The following SIPA1L3 variants were observed in gnomAD, a reference collection of about 807,000 sequenced individuals.
SIPA1L3 encodes the protein signal-induced proliferation-associated 1-like protein 3.
SIPA1L3 carries 59 observed loss-of-function variants against 150.1 expected under a neutral mutation model. That is an observed-to-expected ratio of 0.39 (90% CI 0.32 to 0.49). SIPA1L3 has a LOEUF of 0.49. Ranked by LOEUF, SIPA1L3 falls within the 20% of genes least tolerant of loss-of-function variation. The pLI, the probability that SIPA1L3 is intolerant of heterozygous loss-of-function variation, is 0.86. For synonymous variants in SIPA1L3, 1,070 were observed against 1,077.6 expected, an observed-to-expected ratio of 0.99 and a Z score of 0.14; for missense variants, 2,211 against 2,489.5, an observed-to-expected ratio of 0.89 and a Z score of 2.38.
chr19:37,935,560 G>T (rs939482548), intron 1 of SIPA1L3, among the ~76,000 whole-genome samples: 1 of 152,306 alleles, frequency 6.6e-6, no homozygotes, highest in Admixed American at 6.5e-5. Context: ...CAGCAGGATG[G>T]TTCTTCTGCT....
intron 6 of SIPA1L3, 64 bp downstream of exon 6, chr19:38,101,290 T>C (rs1387790658): frequency 8.0e-7 from 1 of 1,255,130 alleles, no homozygotes; most frequent in Non-Finnish European, 1.1e-6. Flanking sequence ...CAGGCAAAGC[T>C]TAAAAGGCCT....
rs1970977117 is a variant in SIPA1L3 at position 38,119,838 on chromosome 19, G to A, written c.2824G>A (p.Glu942Lys). 2 of 1,613,090 alleles carry A rather than the reference G, an allele frequency of 1.2e-6. No individual in the cohort carries two copies. Among genetic ancestry groups the A allele is most frequent in the Non-Finnish European group, 1.7e-6 (2 of 1,179,980 alleles). ...AGACCACATCTTCCTACAGGCGACA[G>A]AGGGTTCTGTGGAGGACATAAGGGA... is the stretch of plus-strand genomic sequence containing the variant. ...RGDHIFLQAT[E>K]GSVEDIREIV... The change falls in exon 9 of 22, where the codon GAG (glutamate) becomes AAG (lysine). Residue 942 changes from glutamate to lysine, a missense_variant. Glu to Lys is a moderately conservative substitution (Grantham distance 56). Transcript: ENST00000222345.
intron 2 of SIPA1L3, among the ~76,000 whole-genome samples, chr19:38,057,252 C>T (rs764587220): frequency 2.0e-5 from 3 of 151,450 alleles, no homozygotes; most frequent in Non-Finnish European, 4.4e-5. Flanking sequence ...GCCTAGAGTG[C>T]ACTCCAGCAA....
chr19:38,153,554 C>G (rs186462709), intron 13 of SIPA1L3, among the ~76,000 whole-genome samples: 29 of 151,790 alleles, frequency 1.9e-4, no homozygotes, highest in Non-Finnish European at 3.7e-4. Context: ...CCTGTAATCC[C>G]GGCTACTTGG....
intron 1 of SIPA1L3, among the ~76,000 whole-genome samples, chr19:37,969,987 G>GTTAT (rs1966894022): frequency 6.6e-6 from 1 of 152,138 alleles, no homozygotes; most frequent in African/African-American, 2.4e-5. Flanking sequence ...GCCCAGACCT[G>GTTAT]TTATTTATTT....
chr19:38,120,481 C>CA (rs951243045), intron 9 of SIPA1L3, among the ~76,000 whole-genome samples: 6 of 145,652 alleles, frequency 4.1e-5, no homozygotes, highest in Middle Eastern at 3.3e-3. Flanking sequence ...CAAAAACAAA[C>CA]AAAAAAAAAG....
intron 8 of SIPA1L3, among the ~76,000 whole-genome samples, chr19:38,111,906 C>T (rs1725492): frequency 6.6e-6 from 1 of 151,562 alleles, no homozygotes; most frequent in African/African-American, 2.4e-5. Context: ...TGCACACACA[C>T]ACATGCATGC....
chr19:38,070,049 TCC>T (rs1969681477), intron 2 of SIPA1L3, among the ~76,000 whole-genome samples: 1 of 151,928 alleles, frequency 6.6e-6, no homozygotes, highest in Non-Finnish European at 1.5e-5. Flanking sequence ...CCCCCGAGCA[TCC>T]CCATCTGGCC....
rs73630827 is a variant in SIPA1L3 at position 38,081,906 on chromosome 19, C to A, written c.341C>A (p.Ala114Asp). 3.6e-3 allele frequency: 5,823 copies of A among 1,614,148 alleles called. 191 individuals are homozygous for A. The African/African-American group carries it at 0.068, about 19-fold the overall frequency. The stretch of plus-strand genomic sequence containing the variant: ...GATGGCACAAAGGCCACCAAGATGG[C>A]CCATTCCATGAGGAGCATACAGAAC... ...DTDGTKATKMAHSMRSIQNGQ... is the reference protein window; with the variant it reads ...DTDGTKATKMDHSMRSIQNGQ... Residue 114 changes from alanine (A) to aspartate (D), a missense_variant, in exon 3 of 22, where the codon GCC (alanine) becomes GAC (aspartate). This residue lies in a region of SIPA1L3 where 130 missense variants were observed against 174.5 expected (regional missense o/e 0.74). Transcript: ENST00000222345.
chr19:38,179,374 G>A lies in SIPA1L3; in HGVS notation c.4209-3145G>A, dbSNP rs928037570. On this transcript the variant is annotated intron_variant, in intron 15 of 21. Transcript: ENST00000222345. ...GGAGAATCGCTTGAGCCAGGGAGGC[G>A]GAGGTTGCAGTGGGCCAAGGTTGCA... Among the ~76,000 whole-genome samples the A allele has an allele frequency of 1.6e-4, 25 of 152,292 alleles. No homozygotes were observed. The East Asian group carries it at 3.7e-3, about 22-fold the overall frequency.
chr19:38,200,336 T>C (rs1973058204), intron 19 of SIPA1L3: 1 of 152,188 alleles, frequency 6.6e-6, no homozygotes, highest in African/African-American at 2.4e-5. Flanking sequence ...GCTGTTCTGA[T>C]GCGGTGTCTT....
chr19:38,008,994 T>C (rs1180724069), intron 1 of SIPA1L3, among the ~76,000 whole-genome samples: 1 of 152,074 alleles, frequency 6.6e-6, no homozygotes, highest in Non-Finnish European at 1.5e-5. Context: ...CATCTCTCCT[T>C]CTTGCTTGAG....
chr19:38,174,688 A>G (rs1372770380), intron 15 of SIPA1L3, among the ~76,000 whole-genome samples: 5 of 152,086 alleles, frequency 3.3e-5, no homozygotes, highest in Non-Finnish European at 7.4e-5. Flanking sequence ...CGCCTCTACT[A>G]AAAATACAAA....
At chr19:38,141,720 C>T (rs752820050) in intron 11 of SIPA1L3, among the ~76,000 whole-genome samples, 3 of 152,220 alleles carry the variant, frequency 2.0e-5, no homozygotes, top group Non-Finnish European at 2.9e-5. Flanking sequence ...CGGTGGCTCA[C>T]GCCTGTAATC....
chr19:38,183,942 A>G (rs1477147193), intron 16 of SIPA1L3, among the ~76,000 whole-genome samples: 1 of 152,136 alleles, frequency 6.6e-6, no homozygotes. Context: ...TTCAGGAGAA[A>G]AGGGTGAGGC....
At chr19:38,074,007 T>G (rs1226978152) in intron 2 of SIPA1L3, among the ~76,000 whole-genome samples, 1 of 152,234 alleles carries the variant, frequency 6.6e-6, no homozygotes, top group Non-Finnish European at 1.5e-5. Context: ...AACCCGTCCA[T>G]GACACACGAG....
At chr19:38,028,485 G>A (rs1224318835) in intron 1 of SIPA1L3, among the ~76,000 whole-genome samples, 1 of 152,018 alleles carries the variant, frequency 6.6e-6, no homozygotes, top group Non-Finnish European at 1.5e-5. Flanking sequence ...GGCCTTCCCC[G>A]AGCTCTCCGT....
intron 1 of SIPA1L3, among the ~76,000 whole-genome samples, chr19:37,945,525 C>T (rs2046702751): frequency 6.6e-6 from 1 of 152,120 alleles, no homozygotes; most frequent in Admixed American, 6.6e-5. Flanking sequence ...GTGTGAGCCA[C>T]CGCGCCCAGC....
intron 13 of SIPA1L3, among the ~76,000 whole-genome samples, chr19:38,161,520 C>G (rs1464397735): frequency 6.6e-6 from 1 of 151,674 alleles, no homozygotes; most frequent in African/African-American, 2.4e-5. Flanking sequence ...GTCAGGAGTT[C>G]GAGACCAGCC....
Sources: gnomAD v4.1 joint callset for allele counts (sites outside exome capture counted in the v4.1 genomes callset) on GRCh38, gnomAD v4.1.1 for gene constraint, gnomAD v4.1.1 regional missense constraint, MANE v1.5 for transcripts, NCBI Gene and HGNC (gene_info 2026-07-23, HGNC 2026-07-21) for gene names.